GNA14: variants seen among roughly 807,000 people sequenced by gnomAD.
The protein encoded by GNA14 is G protein subunit alpha 14, also known as guanine nucleotide-binding protein subunit alpha-14.
Under a neutral mutation model 42.0 loss-of-function variants are expected in GNA14, and 50 were observed. That is an observed-to-expected ratio of 1.19 (90% CI 0.95 to 1.51). The LOEUF (loss-of-function observed/expected upper bound fraction) is 1.51, where lower values mean the gene tolerates loss of function less well. GNA14 is among the 40% of genes most tolerant of loss of function. The pLI, the probability that GNA14 is intolerant of heterozygous loss-of-function variation, is 0.00. For synonymous variants in GNA14, 173 were observed against 163.1 expected, an observed-to-expected ratio of 1.06 and a Z score of -0.46; for missense variants, 473 against 446.2, an observed-to-expected ratio of 1.06 and a Z score of -0.54.
chr9:77,629,287 T>TAAATTA (rs1427510474), intron 1 of GNA14, among the ~76,000 whole-genome samples: 1 of 152,206 alleles, frequency 6.6e-6, no homozygotes, highest in African/African-American at 2.4e-5. Flanking sequence ...GTTGGGAGTG[T>TAAATTA]AAATTAGTTC....
chr9:77,465,915 T>G (rs530354886), intron 2 of GNA14, among the ~76,000 whole-genome samples: 1 of 152,308 alleles, frequency 6.6e-6, no homozygotes, highest in Admixed American at 6.5e-5. Flanking sequence ...TAATATAAGA[T>G]TGTTGATTGA....
chr9:77,514,655 C>T (rs1837220696), intron 2 of GNA14, among the ~76,000 whole-genome samples: 1 of 149,388 alleles, frequency 6.7e-6, no homozygotes, highest in Non-Finnish European at 1.5e-5. Context: ...ACTCTGTCCC[C>T]CAGGCTAGAG....
At chr9:77,518,673 T>G (rs1837300997) in intron 2 of GNA14, among the ~76,000 whole-genome samples, 1 of 152,200 alleles carries the variant, frequency 6.6e-6, no homozygotes, top group Non-Finnish European at 1.5e-5. Context: ...TGCAAATGAT[T>G]AGAACACTAG....
chr9:77,443,733 G>T (rs113748173), intron 2 of GNA14, among the ~76,000 whole-genome samples: 5 of 152,284 alleles, frequency 3.3e-5, no homozygotes, highest in African/African-American at 1.2e-4. Flanking sequence ...CAGCAATTTG[G>T]GAGGCCAAAG....
chr9:77,629,172 C>T (rs1824057569), intron 1 of GNA14, among the ~76,000 whole-genome samples: 1 of 152,168 alleles, frequency 6.6e-6, no homozygotes, highest in South Asian at 2.1e-4. Context: ...ATCAAAACCA[C>T]AATGAGATAC....
intron 2 of GNA14, among the ~76,000 whole-genome samples, chr9:77,519,552 A>G (rs1837317709): frequency 6.6e-6 from 1 of 152,216 alleles, no homozygotes; most frequent in Admixed American, 6.5e-5. Context: ...GCTTTTAAAC[A>G]AAGTTAAATA....
At chr9:77,617,234 A>G (rs983386991) in intron 1 of GNA14, among the ~76,000 whole-genome samples, 6 of 152,096 alleles carry the variant, frequency 3.9e-5, no homozygotes, top group Admixed American at 6.5e-5. Context: ...TAGCAACCTG[A>G]AAATGTCTAA....
intron 2 of GNA14, among the ~76,000 whole-genome samples, chr9:77,475,983 C>T (rs1836414862): frequency 2.0e-5 from 3 of 152,112 alleles, no homozygotes; most frequent in Non-Finnish European, 4.4e-5. Flanking sequence ...CCTAAGTGTG[C>T]CCTTGAGCTT....
chr9:77,431,660 C>A (rs557072322), intron 3 of GNA14: 6 of 466,460 alleles, frequency 1.3e-5, no homozygotes, highest in Admixed American at 1.0e-4. Flanking sequence ...GACTTCCATG[C>A]GCCTTCTGGG....
chr9:77,525,542 T>G (rs1396496055), intron 2 of GNA14, among the ~76,000 whole-genome samples: 1 of 142,386 alleles, frequency 7.0e-6, no homozygotes, highest in Non-Finnish European at 1.5e-5. Context: ...GGTTTGTTCT[T>G]TTTTTTTTTT....
At chr9:77,530,522 G>A (rs967798809) in intron 1 of GNA14, among the ~76,000 whole-genome samples, 9 of 152,104 alleles carry the variant, frequency 5.9e-5, no homozygotes, top group Non-Finnish European at 8.8e-5. Context: ...GAAAACAGAC[G>A]AATACAATTA....
chr9:77,572,019 T>C (rs762903591), intron 1 of GNA14, among the ~76,000 whole-genome samples: 3 of 152,156 alleles, frequency 2.0e-5, no homozygotes, highest in African/African-American at 4.8e-5. Context: ...GCGATTTCAA[T>C]TGAGGAGCAA....
At chr9:77,471,806 C>T (rs139119427) in intron 2 of GNA14, among the ~76,000 whole-genome samples, 1 of 152,136 alleles carries the variant, frequency 6.6e-6, no homozygotes, top group African/African-American at 2.4e-5. Context: ...TGTTTAAGGA[C>T]TTATAAAGGT....
At chr9:77,481,678 A>G (rs370952330) in intron 2 of GNA14, among the ~76,000 whole-genome samples, 9 of 151,220 alleles carry the variant, frequency 6.0e-5, no homozygotes, top group South Asian at 2.1e-4. Context: ...TATTGTGTGG[A>G]AGTCTAAGTC....
At chr9:77,552,677 CAGA>C (rs1837799753) in intron 1 of GNA14, among the ~76,000 whole-genome samples, 1 of 152,182 alleles carries the variant, frequency 6.6e-6, no homozygotes, top group South Asian at 2.1e-4. Flanking sequence ...CAACCTCTTC[CAGA>C]AGGACCTACC....
chr9:77,507,797 C>T (rs920584160), intron 2 of GNA14, among the ~76,000 whole-genome samples: 3 of 152,078 alleles, frequency 2.0e-5, no homozygotes, highest in Non-Finnish European at 4.4e-5. Flanking sequence ...ACTGCAATCT[C>T]CACCTCCTAA....
chr9:77,608,057 C>T (rs541766240), intron 1 of GNA14, among the ~76,000 whole-genome samples: 28 of 152,128 alleles, frequency 1.8e-4, no homozygotes, highest in Non-Finnish European at 3.5e-4. Context: ...TGGTGGGGCT[C>T]TCACAAAAAG....
At chr9:77,476,278 C>A (rs1162966508) in intron 2 of GNA14, among the ~76,000 whole-genome samples, 1 of 152,092 alleles carries the variant, frequency 6.6e-6, no homozygotes, top group African/African-American at 2.4e-5. Flanking sequence ...TCTCTTGGTA[C>A]GTTAAAATAG....
chr9:77,499,440 T>G (rs1836928758), intron 2 of GNA14, among the ~76,000 whole-genome samples: 1 of 152,082 alleles, frequency 6.6e-6, no homozygotes, highest in South Asian at 2.1e-4. Flanking sequence ...ATATGGTACC[T>G]TTTCCATCTA....
Sources: gnomAD v4.1 joint callset for allele counts (sites outside exome capture counted in the v4.1 genomes callset) on GRCh38, gnomAD v4.1.1 for gene constraint, MANE v1.5 for transcripts, NCBI Gene and HGNC (gene_info 2026-07-23, HGNC 2026-07-21) for gene names.